Variants in CLASP1 observed in about 807,000 individuals in gnomAD.
The protein encoded by CLASP1 is cytoplasmic linker associated protein 1.
Under a neutral mutation model 192.3 loss-of-function variants are expected in CLASP1, and 38 were observed. The observed-to-expected ratio is 0.20, with a 90% confidence interval of 0.15 to 0.26. CLASP1 has a LOEUF of 0.26. Ranked by LOEUF, CLASP1 falls within the 10% of genes least tolerant of loss-of-function variation. The probability of loss-of-function intolerance (pLI) is 1.00; values close to 1 mark genes in which losing one functional copy is unlikely to be tolerated. For missense variants in CLASP1, 1,433 were observed against 1,932.5 expected (o/e 0.74, Z 4.85); for synonymous variants, 691 against 712.8 (o/e 0.97, Z 0.49).
At chr2:121,617,041 A>T (rs1452439343) in intron 1 of CLASP1, among the ~76,000 whole-genome samples, 5 of 152,172 alleles carry the variant, frequency 3.3e-5, no homozygotes, top group African/African-American at 1.2e-4. Flanking sequence ...GAACTCAGTA[A>T]TGCTTCAACT....
chr2:121,437,728 G>A (rs764124917), intron 19 of CLASP1, among the ~76,000 whole-genome samples: 1 of 152,146 alleles, frequency 6.6e-6, no homozygotes, highest in Admixed American at 6.5e-5. Context: ...GATGATGCAG[G>A]TCTTAAATAG....
chr2:121,363,435 A>C, intron 36 of CLASP1, 135 bp from the exon 38 acceptor site: 2 of 961,788 alleles, frequency 2.1e-6, no homozygotes, highest in Non-Finnish European at 3.0e-6. Context: ...TAAACAGATC[A>C]CACAGTTCAC....
intron 38 of CLASP1, among the ~76,000 whole-genome samples, chr2:121,347,567 G>A (rs72965499): frequency 1.6e-3 from 237 of 152,328 alleles, no homozygotes; most frequent in African/African-American, 5.4e-3. Context: ...AAAGAAATGA[G>A]AACATCATCA....
chr2:121,644,560 CAGG>C (rs1168542513), intron 1 of CLASP1, among the ~76,000 whole-genome samples: 1 of 152,130 alleles, frequency 6.6e-6, no homozygotes, highest in Non-Finnish European at 1.5e-5. Context: ...GAGGCTGAGG[CAGG>C]AGAATTGCTT....
At chr2:121,415,740 C>T (rs766392794) in intron 23 of CLASP1, among the ~76,000 whole-genome samples, 34 of 152,158 alleles carry the variant, frequency 2.2e-4, no homozygotes, top group Non-Finnish European at 3.7e-4. Context: ...AGCAGTGCTA[C>T]ATTTTATCTG....
At chr2:121,625,426 C>CTTTTTTTTTTTTTT (rs1559804182) in intron 1 of CLASP1, among the ~76,000 whole-genome samples, 21 of 128,274 alleles carry the variant, frequency 1.6e-4, no homozygotes, top group African/African-American at 6.9e-4. Context: ...TTCTTTCTTT[C>CTTTTTTTTTTTTTT]ATTTTTTTTT....
At chr2:121,579,757 C>A (rs1001670048) in intron 2 of CLASP1, among the ~76,000 whole-genome samples, 3 of 152,194 alleles carry the variant, frequency 2.0e-5, no homozygotes, top group Non-Finnish European at 4.4e-5. Flanking sequence ...ACTCTGACTG[C>A]ATTGCTAATA....
At chr2:121,376,747 T>C (rs772151077) in intron 34 of CLASP1, among the ~76,000 whole-genome samples, 6 of 152,172 alleles carry the variant, frequency 3.9e-5, no homozygotes, top group African/African-American at 1.4e-4. Flanking sequence ...TTGCTCACAT[T>C]ACTGCCTGAG....
chr2:121,632,949 T>C (rs1475024027), intron 1 of CLASP1, among the ~76,000 whole-genome samples: 1 of 150,052 alleles, frequency 6.7e-6, no homozygotes, highest in Non-Finnish European at 1.5e-5. Flanking sequence ...CCACGAACTG[T>C]ACAAAAACAG....
intron 8 of CLASP1, among the ~76,000 whole-genome samples, chr2:121,491,087 A>G (rs377354780): frequency 1.3e-5 from 2 of 152,248 alleles, no homozygotes; most frequent in African/African-American, 4.8e-5. Context: ...AGACTTGCAC[A>G]GGTATTTCTC....
chr2:121,372,191 C>T (rs2068889992), intron 34 of CLASP1, among the ~76,000 whole-genome samples: 1 of 152,084 alleles, frequency 6.6e-6, no homozygotes, highest in Admixed American at 6.5e-5. Context: ...TCCAATGGAG[C>T]CCTTTCATTT....
chr2:121,587,527 A>G (rs2061858926), intron 2 of CLASP1, among the ~76,000 whole-genome samples: 1 of 152,170 alleles, frequency 6.6e-6, no homozygotes, highest in Admixed American at 6.5e-5. Context: ...TATGTGATGA[A>G]TAAACAAGAA....
chr2:121,439,482 A>C (rs1004130504), intron 19 of CLASP1, among the ~76,000 whole-genome samples: 4 of 151,396 alleles, frequency 2.6e-5, no homozygotes, highest in Admixed American at 2.6e-4. Flanking sequence ...ATTTCCCTCT[A>C]CACACTGCTT....
At chr2:121,370,356 C>T (rs916397053) in intron 34 of CLASP1, among the ~76,000 whole-genome samples, 1 of 152,178 alleles carries the variant, frequency 6.6e-6, no homozygotes, top group African/African-American at 2.4e-5. Flanking sequence ...CAGAGTTTCA[C>T]TCTTGTCGCC....
intron 1 of CLASP1, among the ~76,000 whole-genome samples, chr2:121,616,698 G>A (rs1174166639): frequency 3.9e-5 from 6 of 152,128 alleles, no homozygotes; most frequent in South Asian, 2.1e-4. Flanking sequence ...GAAGAAAGAC[G>A]CGCTGCCATG....
chr2:121,585,767 C>T lies in CLASP1; in HGVS notation c.195+19934G>A, dbSNP rs186509480. ...ACAAAATTAGCTGGGCACGGTCGTG[C>T]GTACCTGTAGTCCCAGCTGCTCAGG... On this transcript the variant is annotated intron_variant, in intron 2 of 39. Coordinates refer to ENST00000263710, the Ensembl canonical transcript of CLASP1. Among the ~76,000 whole-genome samples, 12 of 152,118 alleles carry T rather than the reference C, an allele frequency of 7.9e-5. No homozygotes were observed. In the East Asian group the frequency reaches 1.2e-3, roughly 15 times the overall value.
chr2:121,432,195 C>A (rs1404969320), intron 19 of CLASP1, among the ~76,000 whole-genome samples: 1 of 152,184 alleles, frequency 6.6e-6, no homozygotes, highest in Non-Finnish European at 1.5e-5. Context: ...CGGCTTACTG[C>A]AACCTCCACC....
exon 5 of CLASP1, chr2:121,527,843 A>G: frequency 6.2e-7 from 1 of 1,614,020 alleles, no homozygotes; most frequent in Non-Finnish European, 8.5e-7. Flanking sequence ...CTTCTCGAGT[A>G]CGGAAATTCT....
At chr2:121,567,197 T>A (rs1450485791) in intron 2 of CLASP1, among the ~76,000 whole-genome samples, 1 of 152,242 alleles carries the variant, frequency 6.6e-6, no homozygotes, top group Non-Finnish European at 1.5e-5. Flanking sequence ...ACTTTCATTA[T>A]CCTCAGCTTC....
Sources: gnomAD v4.1 joint callset for allele counts (sites outside exome capture counted in the v4.1 genomes callset) on GRCh38, gnomAD v4.1.1 for gene constraint, MANE v1.5 for transcripts, NCBI Gene and HGNC (gene_info 2026-07-23, HGNC 2026-07-21) for gene names.